The following SH3D19 variants were observed in gnomAD, a reference collection of about 807,000 sequenced individuals.
SH3D19 encodes the protein SH3 domain containing 19.
Under a neutral mutation model 112.1 loss-of-function variants are expected in SH3D19, and 58 were observed. The ratio of observed to expected loss-of-function variants is 0.52; its 90% CI spans 0.42 to 0.64. SH3D19 has a LOEUF of 0.64. Ranked by LOEUF, SH3D19 falls within the 30% of genes least tolerant of loss-of-function variation. SH3D19 has a pLI of 0.00. For missense variants in SH3D19, 1,090 were observed against 1,263.4 expected (o/e 0.86, Z 2.08); for synonymous variants, 391 against 448.5 (o/e 0.87, Z 1.62).
intron 8 of SH3D19, among the ~76,000 whole-genome samples, chr4:151,161,309 C>G (rs1264310537): frequency 6.6e-6 from 1 of 152,112 alleles, no homozygotes; most frequent in Non-Finnish European, 1.5e-5. Flanking sequence ...ATTTGCACCA[C>G]GAAGCTATCC....
At chr4:151,291,765 AGTATCT>A in intron 1 of SH3D19, among the ~76,000 whole-genome samples, 1 of 152,214 alleles carries the variant, frequency 6.6e-6, no homozygotes. Context: ...GAGGCAGGCA[AGTATCT>A]GTGATGACAC....
chr4:151,194,170 T>C (rs545666489), intron 2 of SH3D19, among the ~76,000 whole-genome samples: 2 of 151,542 alleles, frequency 1.3e-5, no homozygotes, highest in South Asian at 4.2e-4. Flanking sequence ...GGATTACAGG[T>C]GCCCGCCACC....
chr4:151,153,101 T>C (rs1223864551), intron 9 of SH3D19, among the ~76,000 whole-genome samples: 1 of 151,918 alleles, frequency 6.6e-6, no homozygotes, highest in Non-Finnish European at 1.5e-5. Flanking sequence ...CCCAAAGTAC[T>C]GGGATTACAG....
chr4:151,211,723 C>T (rs1322158493), intron 2 of SH3D19, among the ~76,000 whole-genome samples: 1 of 152,170 alleles, frequency 6.6e-6, no homozygotes, highest in African/African-American at 2.4e-5. Flanking sequence ...ACAACATTCC[C>T]TTATGCCAAA....
chr4:151,305,699 C>T (rs896740605), intron 1 of SH3D19, among the ~76,000 whole-genome samples: 2 of 152,154 alleles, frequency 1.3e-5, no homozygotes, highest in African/African-American at 4.8e-5. Context: ...GAATGCAGAA[C>T]AATGAGAACT....
intron 6 of SH3D19, among the ~76,000 whole-genome samples, chr4:151,176,019 T>C (rs1020456498): frequency 1.3e-5 from 2 of 152,022 alleles, no homozygotes; most frequent in Non-Finnish European, 2.9e-5. Flanking sequence ...TACAGACACA[T>C]ACCACCACAC....
At chr4:151,315,441 T>G (rs774631171) in intron 1 of SH3D19, among the ~76,000 whole-genome samples, 1 of 152,216 alleles carries the variant, frequency 6.6e-6, no homozygotes. Context: ...AGGACTCTAG[T>G]GTAAATGAGT....
At chr4:151,187,592 T>C in intron 2 of SH3D19, 129 bp from the exon 3 acceptor site, 1 of 445,384 alleles carries the variant, frequency 2.2e-6, no homozygotes. Context: ...TTTACTGGCC[T>C]ATCCTCTTTA....
intron 18 of SH3D19, among the ~76,000 whole-genome samples, 170 bp downstream of exon 18, chr4:151,128,000 T>C (rs542647361): frequency 1.3e-5 from 2 of 152,382 alleles, no homozygotes; most frequent in South Asian, 4.1e-4. Context: ...ATCTTTTTTT[T>C]CTATAACTCT....
At chr4:151,286,184 G>GAAAAAAAAAAAAAAAAAAAAAAAAAAA (rs56850648) in intron 1 of SH3D19, among the ~76,000 whole-genome samples, 1 of 86,628 alleles carries the variant, frequency 1.2e-5, no homozygotes, top group Non-Finnish European at 2.0e-5. Flanking sequence ...CTGTCTTAAA[G>GAAAAAAAAAAAAAAAAAAAAAAAAAAA]AAAAAAAAAA....
Position 151,122,088 on chromosome 4 carries a change from C to A in SH3D19, c.*3G>T. The A allele has an allele frequency of 6.9e-7, 1 of 1,455,734 alleles. No homozygotes were observed. The highest frequency in any genetic ancestry group is 9.6e-7 in the Non-Finnish European group (1 of 1,037,468). The allele number at this position is 1,455,734 out of a possible 1,614,324, so 90.2% of individuals were successfully genotyped here. A position where few individuals can be genotyped will look rare whatever the true frequency, so the allele number is the denominator to read the frequency against. On this transcript the variant is annotated 3_prime_UTR_variant, in exon 20 of 20. Coordinates refer to ENST00000604030, the MANE Select transcript of SH3D19 (RefSeq NM_001378122.1). ...TGCCAAGGAACACAGACAAGCTTCT[C>A]CTCTAGCTGATCTGTAGAAACTGTA...
intron 1 of SH3D19, among the ~76,000 whole-genome samples, chr4:151,256,694 G>GT (rs70941490): frequency 0.54 from 72,644 of 134,066 alleles, 20,811 homozygotes; most frequent in Non-Finnish European, 0.66. Flanking sequence ...TTGTTTTGTT[G>GT]TTTTTTTTTT....
chr4:151,135,154 C>A (rs1471188311), intron 14 of SH3D19, 22 bp from the exon 15 acceptor site: 1 of 1,559,118 alleles, frequency 6.4e-7, no homozygotes, highest in Non-Finnish European at 8.7e-7. Flanking sequence ...AAAATCAAGG[C>A]AACAATTATA....
intron 9 of SH3D19, 80 bp from the exon 10 acceptor site, chr4:151,149,641 T>C: frequency 7.9e-7 from 1 of 1,265,178 alleles, no homozygotes; most frequent in Non-Finnish European, 1.1e-6. Flanking sequence ...GGCAACCTTT[T>C]GGCTGGATCT....
In SH3D19 at chr4:151,200,266, C is replaced by A. The variant is rs539498026; in HGVS notation, c.153-12803G>T. On this transcript the variant is annotated intron_variant, in intron 2 of 19. Transcript: ENST00000604030. ...TACATACATACACATACACACACAC[C>A]CCACACACATATTTGTATAATTACA... Among the ~76,000 whole-genome samples, 8 of 152,076 alleles carry A rather than the reference C, an allele frequency of 5.3e-5. No homozygotes were observed. The South Asian group carries it at 1.7e-3, about 32-fold the overall frequency.
chr4:151,180,613 A>G (rs889370247), intron 3 of SH3D19, among the ~76,000 whole-genome samples: 3 of 151,436 alleles, frequency 2.0e-5, no homozygotes, highest in Admixed American at 6.6e-5. Flanking sequence ...TCACCGTGTT[A>G]GCCAGGATGG....
At position 151,277,579 on chromosome 4, in the gene SH3D19, C is replaced by T. The variant is rs1316858; in HGVS notation, c.112+47662G>A. Among the ~76,000 whole-genome samples the T allele has an allele frequency of 6.8e-3, 1,031 of 151,902 alleles. 14 individuals carry two copies. Among genetic ancestry groups the T allele is most frequent in the African/African-American group, 0.023 (968 of 41,428 alleles). On this transcript the variant is annotated intron_variant, in intron 1 of 19. Coordinates refer to ENST00000604030, the MANE Select transcript of SH3D19 (RefSeq NM_001378122.1). Reference sequence around the variant, plus strand: ...CTTTAGAAGGGTAGTTAAAGAAGGCCTCACTAAGAAGGAGTCATTTGAGCA... The same window carrying T: ...CTTTAGAAGGGTAGTTAAAGAAGGCTTCACTAAGAAGGAGTCATTTGAGCA...
rs138762331 is a variant in SH3D19, at chr4:151,260,301, C to T, written c.113-34215G>A. Reference sequence around the variant, plus strand: ...TCGCACTTGCATCTCTAGCCCCAAACACTAGTCCTGATGCACTTCTATTTG... The same window carrying T: ...TCGCACTTGCATCTCTAGCCCCAAATACTAGTCCTGATGCACTTCTATTTG... On this transcript the variant is annotated intron_variant, in intron 1 of 19. Transcript: ENST00000604030. Among the ~76,000 whole-genome samples the T allele has an allele frequency of 2.4e-3, 360 of 152,310 alleles. 1 individual carries two copies. The highest frequency in any genetic ancestry group is 1.3e-3 in the Non-Finnish European group (86 of 68,032).
chr4:151,135,503 C>T (rs1260201880), intron 14 of SH3D19, among the ~76,000 whole-genome samples: 1 of 141,888 alleles, frequency 7.0e-6, no homozygotes, highest in African/African-American at 2.6e-5. Context: ...TCAGAACTCA[C>T]TGCAGCCTTG....
Sources: gnomAD v4.1 joint callset for allele counts (sites outside exome capture counted in the v4.1 genomes callset) on GRCh38, gnomAD v4.1.1 for gene constraint, MANE v1.5 for transcripts, NCBI Gene and HGNC (gene_info 2026-07-23, HGNC 2026-07-21) for gene names.